PROSER2: variants seen among roughly 807,000 people sequenced by gnomAD.
PROSER2 encodes proline and serine-rich protein 2.
Under a neutral mutation model 14.6 loss-of-function variants are expected in PROSER2, and 18 were observed. The observed-to-expected ratio is 1.23, with a 90% CI of 0.85 to 1.83. PROSER2 has a LOEUF of 1.83. Ranked by LOEUF, PROSER2 falls within the 40% of genes most tolerant of loss-of-function variation. The pLI, the probability that PROSER2 is intolerant of heterozygous loss-of-function variation, is 0.00. For synonymous variants in PROSER2, 367 were observed against 286.4 expected (o/e 1.28, Z -2.84); for missense variants, 823 against 629.8 (o/e 1.31, Z -3.28).
At chr10:11,845,687 G>A (rs1414408335) in intron 1 of PROSER2, among the ~76,000 whole-genome samples, 1 of 152,152 alleles carries the variant, frequency 6.6e-6, no homozygotes, top group Non-Finnish European at 1.5e-5. Context: ...GGAGGGAGCT[G>A]AGAGGAAGGG....
In PROSER2 at chr10:11,870,127, C is replaced by T. The variant is rs1410540137; in HGVS notation, c.1029C>T (p.Asn343=). 2.2e-6 allele frequency: 3 copies of T among 1,373,484 alleles called. No individual in the cohort carries two copies. The highest frequency in any genetic ancestry group is 1.6e-5 in the South Asian group (1 of 61,622). The allele number at this position is 1,373,484 out of a possible 1,614,324, so 85.1% of individuals were successfully genotyped here. A position where few individuals can be genotyped will look rare whatever the true frequency, so the allele number is the denominator to read the frequency against. ...CTCCGCGGGGCCCGGCGCTGGCCAA[C>T]GGCTTCCCAAGTGCGCACGAGGCCC... The part of the protein sequence containing the change: ...GQAPRGPALA[N]GFPSAHEALK... Residue 343 remains asparagine, a synonymous_variant, in exon 4 of 4, where the codon AAC becomes AAT. Coordinates refer to ENST00000277570, the MANE Select transcript of PROSER2 (RefSeq NM_153256.4).
chr10:11,843,609 C>T (rs148694699), intron 1 of PROSER2, among the ~76,000 whole-genome samples: 1,872 of 151,752 alleles, frequency 0.012, 53 homozygotes, highest in African/African-American at 0.043. Context: ...TTGCTAGAAC[C>T]TGGGAGGCAG....
intron 1 of PROSER2, among the ~76,000 whole-genome samples, chr10:11,833,420 G>C (rs888195609): frequency 6.6e-6 from 1 of 151,698 alleles, no homozygotes; most frequent in Non-Finnish European, 1.5e-5. Context: ...GCTGGGTGTG[G>C]TGGCTCACAC....
At chr10:11,848,710 C>T (rs555761596) in intron 1 of PROSER2, among the ~76,000 whole-genome samples, 1 of 152,230 alleles carries the variant, frequency 6.6e-6, no homozygotes, top group South Asian at 2.1e-4. Flanking sequence ...CCTCATCCCC[C>T]CAGTTTGCAC....
At position 11,862,847 on chromosome 10, in the gene PROSER2, C is replaced by T. The variant is rs931524159; in HGVS notation, c.139-3684C>T. 6.6e-6 allele frequency: 1 copy of T among 152,122 alleles called. No homozygotes were observed. The highest frequency in any genetic ancestry group is 1.5e-5 in the Non-Finnish European group (1 of 68,032). The allele number at this position is 152,122 out of a possible 1,614,324, so 9.4% of individuals were successfully genotyped here. ...TTATGGAGAAAAAAAAGCTCAACATCATTAGTCTTCGTGGAAATGACACTG... is the reference window on the plus strand; with the variant it reads ...TTATGGAGAAAAAAAAGCTCAACATTATTAGTCTTCGTGGAAATGACACTG... On this transcript the variant is annotated intron_variant, in intron 2 of 3. Transcript: ENST00000277570. This position sits in a 1 kb window ranked among gnomAD's most constrained non-coding sequence, Gnocchi z 4.2.
intron 1 of PROSER2, among the ~76,000 whole-genome samples, chr10:11,825,188 A>C (rs1177021094): frequency 6.6e-6 from 1 of 152,210 alleles, no homozygotes; most frequent in Non-Finnish European, 1.5e-5. Context: ...TGGAGCCTGG[A>C]AACCTGAAGG....
At chr10:11,855,388 G>A (rs988259171) in intron 2 of PROSER2, among the ~76,000 whole-genome samples, 12 of 150,592 alleles carry the variant, frequency 8.0e-5, no homozygotes, top group Admixed American at 3.3e-4. Context: ...CCAGGAGAAT[G>A]GTGTGAACCC....
chr10:11,832,204 C>T (rs2181932), intron 1 of PROSER2, among the ~76,000 whole-genome samples: 1 of 151,986 alleles, frequency 6.6e-6, no homozygotes, highest in Non-Finnish European at 1.5e-5. Context: ...GTTTCAAACT[C>T]CAGAACAAAA....
intron 1 of PROSER2, among the ~76,000 whole-genome samples, chr10:11,848,603 G>T (rs2131066627): frequency 6.6e-6 from 1 of 152,242 alleles, no homozygotes; most frequent in African/African-American, 2.4e-5. Context: ...ACTGTAAGTG[G>T]GTCCTGTCCC....
chr10:11,834,266 T>G (rs1588484158), intron 1 of PROSER2, among the ~76,000 whole-genome samples: 1 of 150,190 alleles, frequency 6.7e-6, no homozygotes, highest in East Asian at 2.0e-4. Flanking sequence ...GTGCTGGGAT[T>G]ACAGGCGTGA....
In PROSER2 at chr10:11,866,864, T is replaced by C; in HGVS notation, c.391+81T>C. On this transcript the variant is annotated intron_variant, in intron 3 of 3. Coordinates refer to ENST00000277570, the MANE Select transcript of PROSER2 (RefSeq NM_153256.4). The surrounding 1 kb of genome is among the most constrained non-coding windows in gnomAD (Gnocchi z 6.0). Reference sequence around the variant, plus strand: ...CAGAGATACTTCTTTTGTGTTCCCCTGTGTTTGCCAGTAGAAGTTGTTGAG... The same window carrying C: ...CAGAGATACTTCTTTTGTGTTCCCCCGTGTTTGCCAGTAGAAGTTGTTGAG... 4 of 1,483,588 alleles carry C rather than the reference T, an allele frequency of 2.7e-6. No individual in the cohort carries two copies. The highest frequency in any genetic ancestry group is 4.6e-5 in the East Asian group (2 of 43,682). 91.9% of individuals were successfully genotyped at this position (1,483,588 alleles called of 1,614,324 possible).
chr10:11,866,843 G>T lies in PROSER2; in HGVS notation c.391+60G>T. ...TTTCCTGGTGTCTGTGAGACCCAGA[G>T]ATACTTCTTTTGTGTTCCCCTGTGT... On this transcript the variant is annotated intron_variant, in intron 3 of 3. Coordinates refer to ENST00000277570, the MANE Select transcript of PROSER2 (RefSeq NM_153256.4). This position sits in a 1 kb window ranked among gnomAD's most constrained non-coding sequence, Gnocchi z 6.0. 6.4e-7 allele frequency: 1 copy of T among 1,551,636 alleles called. No homozygotes were observed. The highest frequency in any genetic ancestry group is 8.7e-7 in the Non-Finnish European group (1 of 1,153,258).
rs751558508 is a variant in PROSER2, at chr10:11,869,972, C to CACGCCGGCGCCTTCCCCGCCGCGGGGG, written c.884_910dup (p.Ala295_Gly303dup). ...GCAGGTGTTGGCCACCATCCACGGC[C>CACGCCGGCGCCTTCCCCGCCGCGGGGG]ACGCCGGCGCCTTCCCCGCCGCGGG... On this transcript the variant is annotated inframe_insertion, in exon 4 of 4. Transcript: ENST00000277570. This position sits in a 1 kb window ranked among gnomAD's most constrained non-coding sequence, Gnocchi z 4.4. The CACGCCGGCGCCTTCCCCGCCGCGGGGG allele has an allele frequency of 9.9e-6, 13 of 1,319,422 alleles. No individual in the cohort carries two copies. Among genetic ancestry groups the CACGCCGGCGCCTTCCCCGCCGCGGGGG allele is most frequent in the Non-Finnish European group, 4.8e-6 (5 of 1,037,454 alleles). The allele number at this position is 1,319,422 out of a possible 1,614,324, so 81.7% of individuals were successfully genotyped here.
At position 11,866,443 on chromosome 10, in the gene PROSER2, G is replaced by C; in HGVS notation, c.139-88G>C. 6.5e-7 allele frequency: 1 copy of C among 1,535,608 alleles called. No individual in the cohort carries two copies. Among genetic ancestry groups the C allele is most frequent in the Non-Finnish European group, 8.9e-7 (1 of 1,128,108 alleles). On this transcript the variant is annotated intron_variant, in intron 2 of 3. Transcript: ENST00000277570. This position sits in a 1 kb window ranked among gnomAD's most constrained non-coding sequence, Gnocchi z 6.0. The stretch of plus-strand genomic sequence containing the variant: ...ACAGTGAGTTCCGCCCTGGGCTGTG[G>C]ACCAATCCCAACTTTGCTTCAGCTT...
chr10:11,849,400 A>G (rs1833979548), intron 1 of PROSER2, among the ~76,000 whole-genome samples: 1 of 152,194 alleles, frequency 6.6e-6, no homozygotes, highest in South Asian at 2.1e-4. Context: ...CTGTAGGTCT[A>G]GGTCTGAGTC....
At chr10:11,832,642 G>A (rs1270662241) in intron 1 of PROSER2, among the ~76,000 whole-genome samples, 1 of 152,068 alleles carries the variant, frequency 6.6e-6, no homozygotes, top group East Asian at 1.9e-4. Context: ...ACCGCCCCAT[G>A]TCCCGATTTA....
rs141826354 is a variant in PROSER2, at chr10:11,847,839, G to A, written c.-81-4158G>A. Among the ~76,000 whole-genome samples the A allele has an allele frequency of 1.5e-3, 221 of 152,332 alleles. 3 individuals carry two copies. Among genetic ancestry groups the A allele is most frequent in the South Asian group, 9.3e-3 (45 of 4,826 alleles). ...TGGATTCTTTCTCTTTGATCTCACA[G>A]CTTTTCTCTTCTTACCTGACAGCCA... On this transcript the variant is annotated intron_variant, in intron 1 of 3. Transcript: ENST00000277570.
Position 11,832,968 on chromosome 10 carries a change from G to A in PROSER2, c.-82+9498G>A, listed in dbSNP as rs546571764. Among the ~76,000 whole-genome samples the A allele has an allele frequency of 3.3e-5, 5 of 151,494 alleles. 1 individual carries two copies. In the South Asian group the frequency reaches 6.3e-4, roughly 19 times the overall value. On this transcript the variant is annotated intron_variant, in intron 1 of 3. Coordinates refer to ENST00000277570, the MANE Select transcript of PROSER2 (RefSeq NM_153256.4). Reference sequence around the variant, plus strand: ...AGCAATTATCCCACCTCAGCCTCCCGAGTAGCTGGGATTACAGGCACACGC... The same window carrying A: ...AGCAATTATCCCACCTCAGCCTCCCAAGTAGCTGGGATTACAGGCACACGC...
At chr10:11,849,178 C>T (rs1470474939) in intron 1 of PROSER2, among the ~76,000 whole-genome samples, 2 of 151,876 alleles carry the variant, frequency 1.3e-5, no homozygotes, top group Non-Finnish European at 2.9e-5. Context: ...CACAGCAAAA[C>T]TCCGTCTCAA....
Sources: gnomAD v4.1 joint callset for allele counts (sites outside exome capture counted in the v4.1 genomes callset) on GRCh38, gnomAD v4.1.1 for gene constraint, Gnocchi (gnomAD v3.1) non-coding constraint, MANE v1.5 for transcripts, NCBI Gene and HGNC (gene_info 2026-07-23, HGNC 2026-07-21) for gene names.